The following AAK1 variants were observed in gnomAD, a reference collection of about 807,000 sequenced individuals.
AAK1 encodes the protein AP2 associated kinase 1.
Under a neutral mutation model 116.0 loss-of-function variants are expected in AAK1, and 37 were observed. That is an observed-to-expected ratio of 0.32 (90% CI 0.25 to 0.42). AAK1 has a LOEUF of 0.42. Ranked by LOEUF, AAK1 falls within the 10% of genes least tolerant of loss-of-function variation. AAK1 has a pLI of 1.00. For missense variants in AAK1, 919 were observed against 1,170.6 expected (o/e 0.79, Z 3.14); for synonymous variants, 458 against 439.9 (o/e 1.04, Z -0.51).
intron 2 of AAK1, among the ~76,000 whole-genome samples, chr2:69,642,181 G>C (rs1213045427): frequency 6.6e-6 from 1 of 151,982 alleles, no homozygotes; most frequent in African/African-American, 2.4e-5. Flanking sequence ...CAAAATCAGA[G>C]CCACTCTCAA....
At chr2:69,511,528 C>T (rs190973896) in intron 13 of AAK1, among the ~76,000 whole-genome samples, 90 of 152,334 alleles carry the variant, frequency 5.9e-4, no homozygotes, top group Non-Finnish European at 1.2e-3. Flanking sequence ...CCTGTAACAG[C>T]TGGCTGAATA....
intron 16 of AAK1, among the ~76,000 whole-genome samples, chr2:69,503,710 G>A (rs1287772573): frequency 6.6e-6 from 1 of 152,128 alleles, no homozygotes; most frequent in African/African-American, 2.4e-5. Flanking sequence ...TGGCAGAGAT[G>A]AGGTTTCACC....
chr2:69,500,680 T>TAC lies in AAK1; in HGVS notation c.2270-4601_2270-4600insGT, dbSNP rs1367664394. 1.6e-3 allele frequency among the ~76,000 whole-genome samples: 162 copies of TAC among 102,538 alleles called. 2 individuals carry two copies. Among genetic ancestry groups the TAC allele is most frequent in the Non-Finnish European group, 2.8e-3 (149 of 53,796 alleles). 67.3% of individuals were successfully genotyped at this position (102,538 alleles called of 152,430 possible). ...GTCCCTTAAAATATATATATATATA[T>TAC]ATATATATATATATATATACACACA... is the stretch of plus-strand genomic sequence containing the variant. On this transcript the variant is annotated intron_variant, in intron 16 of 21. Coordinates refer to ENST00000409085, the MANE Select transcript of AAK1 (RefSeq NM_014911.5).
At position 69,469,072 on chromosome 2, in the gene AAK1, A is replaced by G; in HGVS notation, c.*6797T>C. ...AAGAGCTATTTCCTATCTTTCTTTC[A>G]GCATCAACAGGCTTTGTAGGAATGG... On this transcript the variant is annotated 3_prime_UTR_variant, in exon 22 of 22. Transcript: ENST00000409085. The G allele has an allele frequency of 1.0e-6, 1 of 985,458 alleles. No homozygotes were observed. The highest frequency in any genetic ancestry group is 1.2e-6 in the Non-Finnish European group (1 of 829,944). The allele number at this position is 985,458 out of a possible 1,614,324, so 61.0% of individuals were successfully genotyped here.
intron 2 of AAK1, among the ~76,000 whole-genome samples, chr2:69,561,926 T>G (rs1470454522): frequency 2.6e-5 from 4 of 152,234 alleles, no homozygotes; most frequent in African/African-American, 4.8e-5. Context: ...TTTTGTTTTT[T>G]TGGTCAACTA....
chr2:69,610,443 G>A (rs6740196), intron 2 of AAK1, among the ~76,000 whole-genome samples: 4,689 of 152,264 alleles, frequency 0.031, 242 homozygotes, highest in African/African-American at 0.11. Context: ...TGAATTTAGC[G>A]ATGACTTCTT....
chr2:69,560,243 T>C (rs963322681), intron 2 of AAK1, among the ~76,000 whole-genome samples: 4 of 152,196 alleles, frequency 2.6e-5, no homozygotes, highest in Non-Finnish European at 4.4e-5. Flanking sequence ...AGAGAGGAGA[T>C]AGTGCCATTC....
At chr2:69,591,888 C>T (rs1673050917) in intron 2 of AAK1, among the ~76,000 whole-genome samples, 1 of 152,062 alleles carries the variant, frequency 6.6e-6, no homozygotes, top group Non-Finnish European at 1.5e-5. Context: ...TTTCAAACCA[C>T]AAAGACCACA....
chr2:69,603,992 A>T (rs1406870183), intron 2 of AAK1, among the ~76,000 whole-genome samples: 1 of 152,240 alleles, frequency 6.6e-6, no homozygotes, highest in Non-Finnish European at 1.5e-5. Context: ...AAGCATACCC[A>T]CTTCCAGTTC....
rs190067219 is a variant in AAK1, at chr2:69,467,893, C to A, written c.*7976G>T. On this transcript the variant is annotated 3_prime_UTR_variant, in exon 22 of 22. Coordinates refer to ENST00000409085, the MANE Select transcript of AAK1 (RefSeq NM_014911.5). ...TTTTATAAGATACTGTACAAAAATA[C>A]TATGTTTCTCTGAATCCTATAACTT... 1 of 985,118 alleles carries A rather than the reference C, an allele frequency of 1.0e-6. No individual in the cohort carries two copies. Among genetic ancestry groups the A allele is most frequent in the African/African-American group, 1.7e-5 (1 of 57,226 alleles). 61.0% of individuals were successfully genotyped at this position (985,118 alleles called of 1,614,324 possible). A position where few individuals can be genotyped will look rare whatever the true frequency, so the allele number is the denominator to read the frequency against.
At chr2:69,598,918 A>G (rs762458684) in intron 2 of AAK1, 9 of 386,286 alleles carry the variant, frequency 2.3e-5, no homozygotes, top group Non-Finnish European at 3.6e-5. Flanking sequence ...TTACTTTTTG[A>G]TAGATTATGC....
At chr2:69,629,603 G>C (rs1263373529) in intron 2 of AAK1, among the ~76,000 whole-genome samples, 2 of 152,164 alleles carry the variant, frequency 1.3e-5, no homozygotes, top group Non-Finnish European at 2.9e-5. Context: ...CTCAAACACA[G>C]ATCTATTATA....
intron 16 of AAK1, among the ~76,000 whole-genome samples, chr2:69,498,262 G>A (rs562843336): frequency 2.0e-4 from 30 of 152,250 alleles, no homozygotes; most frequent in African/African-American, 6.5e-4. Context: ...GGCTTGTGGA[G>A]GAGTCAAAGT....
intron 2 of AAK1, among the ~76,000 whole-genome samples, chr2:69,565,950 C>A (rs943730619): frequency 2.8e-4 from 42 of 152,210 alleles, no homozygotes; most frequent in Admixed American, 4.6e-4. Context: ...GTGTCCTCTC[C>A]ACAGTGAGAG....
intron 2 of AAK1, among the ~76,000 whole-genome samples, chr2:69,602,188 A>G (rs1673609086): frequency 6.6e-6 from 1 of 152,258 alleles, no homozygotes; most frequent in Non-Finnish European, 1.5e-5. Flanking sequence ...AAGAGATTTA[A>G]AAGACATGAC....
chr2:69,542,931 C>T (rs967288274), intron 4 of AAK1, among the ~76,000 whole-genome samples: 3 of 152,142 alleles, frequency 2.0e-5, no homozygotes, highest in Admixed American at 6.5e-5. Flanking sequence ...ATTATGTCTT[C>T]GAGGTTAGTA....
intron 2 of AAK1, among the ~76,000 whole-genome samples, chr2:69,568,754 T>A (rs80008190): frequency 0.014 from 2,077 of 152,308 alleles, 56 homozygotes; most frequent in African/African-American, 0.047. Context: ...TGGGCTCTCA[T>A]GCTGGAAAGC....
At chr2:69,599,622 A>G (rs1481288542) in intron 2 of AAK1, among the ~76,000 whole-genome samples, 3 of 152,202 alleles carry the variant, frequency 2.0e-5, no homozygotes, top group African/African-American at 7.2e-5. Context: ...TATTATTGAT[A>G]GCTCCATTAA....
intron 2 of AAK1, among the ~76,000 whole-genome samples, chr2:69,607,626 T>C (rs2105209405): frequency 6.6e-6 from 1 of 152,296 alleles, no homozygotes; most frequent in East Asian, 1.9e-4. Flanking sequence ...CATGAAAACC[T>C]TCTAGATTAT....
Sources: gnomAD v4.1 joint callset for allele counts (sites outside exome capture counted in the v4.1 genomes callset) on GRCh38, gnomAD v4.1.1 for gene constraint, MANE v1.5 for transcripts, NCBI Gene and HGNC (gene_info 2026-07-23, HGNC 2026-07-21) for gene names.